The following CCDC7 variants were observed in gnomAD, a reference collection of about 807,000 sequenced individuals.
The protein encoded by CCDC7 is coiled-coil domain containing 7.
In CCDC7, 183 loss-of-function variants were observed where a neutral mutation model predicts 196.9. The observed-to-expected ratio is 0.93, with a 90% CI of 0.82 to 1.05. CCDC7 has a LOEUF of 1.05. Among genes scored for constraint, CCDC7 ranks in the 50% least tolerant of loss-of-function variants. The pLI is 0.00. For synonymous variants in CCDC7, 525 were observed against 484.6 expected (o/e 1.08, Z -1.10); for missense variants, 1,540 against 1,482.2 (o/e 1.04, Z -0.64).
chr10:32,484,676 T>C (rs1389948850), intron 8 of CCDC7, among the ~76,000 whole-genome samples: 1 of 152,176 alleles, frequency 6.6e-6, no homozygotes, highest in African/African-American at 2.4e-5. Flanking sequence ...GTCCCATCAA[T>C]TACCTAGTTT....
chr10:32,614,110 T>C (rs2062494726), intron 18 of CCDC7, among the ~76,000 whole-genome samples: 1 of 152,188 alleles, frequency 6.6e-6, no homozygotes, highest in South Asian at 2.1e-4. Flanking sequence ...TGAATATATA[T>C]TTAGGATAGT....
intron 31 of CCDC7, among the ~76,000 whole-genome samples, chr10:32,820,287 A>G (rs1175220332): frequency 6.6e-6 from 1 of 152,230 alleles, no homozygotes; most frequent in East Asian, 1.9e-4. Context: ...GGAGCACTAC[A>G]AACTACTGCT....
At chr10:32,599,085 G>T (rs371923899) in intron 18 of CCDC7, among the ~76,000 whole-genome samples, 2 of 152,132 alleles carry the variant, frequency 1.3e-5, no homozygotes, top group East Asian at 3.8e-4. Context: ...GATATTTTGG[G>T]ACTCTGCTGT....
At chr10:32,761,976 G>A (rs1303384854) in intron 28 of CCDC7, among the ~76,000 whole-genome samples, 1 of 151,902 alleles carries the variant, frequency 6.6e-6, no homozygotes, top group Non-Finnish European at 1.5e-5. Context: ...AATTCTCTCT[G>A]AGAGCCAGAA....
intron 24 of CCDC7, among the ~76,000 whole-genome samples, chr10:32,711,124 G>GTGTGTA (rs2080753418): frequency 7.0e-6 from 1 of 143,868 alleles, no homozygotes. Context: ...TGGTGTGTGT[G>GTGTGTA]TGTATATATA....
chr10:32,813,978 C>T (rs557097336), intron 30 of CCDC7, among the ~76,000 whole-genome samples: 27 of 151,330 alleles, frequency 1.8e-4, no homozygotes, highest in Admixed American at 9.2e-4. Flanking sequence ...TTCTTTTTTG[C>T]GACAGAGTCT....
intron 18 of CCDC7, 45 bp from the exon 20 acceptor site, chr10:32,634,209 G>C: frequency 1.2e-6 from 1 of 847,820 alleles, no homozygotes; most frequent in Non-Finnish European, 1.6e-6. Flanking sequence ...TTTCACAATA[G>C]AGCTCTTTCT....
rs1397898678 is a variant in CCDC7, at chr10:32,865,701, A to G, written c.4112-10646A>G. ...AAACTCACCTGTTATAATAACTAAG[A>G]TTCATTCCTCCATGTAAATTCAACT... On this transcript the variant is annotated intron_variant, in intron 41 of 41. Coordinates refer to ENST00000639629, the Ensembl canonical transcript of CCDC7. Among the ~76,000 whole-genome samples, 7 of 151,794 alleles carry G rather than the reference A, an allele frequency of 4.6e-5. No homozygotes were observed. In the East Asian group the frequency reaches 1.4e-3, roughly 29 times the overall value.
At chr10:32,737,645 A>G (rs1157097440) in intron 28 of CCDC7, among the ~76,000 whole-genome samples, 1 of 152,126 alleles carries the variant, frequency 6.6e-6, no homozygotes, top group African/African-American at 2.4e-5. Flanking sequence ...AATATAATGA[A>G]TTTGTCTGTT....
chr10:32,681,854 T>C (rs2075905689), intron 21 of CCDC7, among the ~76,000 whole-genome samples: 1 of 151,982 alleles, frequency 6.6e-6, no homozygotes, highest in African/African-American at 2.4e-5. Flanking sequence ...TAAAGTCATA[T>C]TTAGAATTCA....
chr10:32,559,039 G>A (rs539425277), intron 13 of CCDC7, among the ~76,000 whole-genome samples: 17 of 152,232 alleles, frequency 1.1e-4, no homozygotes, highest in Non-Finnish European at 2.1e-4. Flanking sequence ...TTGGAGGGTC[G>A]TACGCCCACG....
chr10:32,859,212 A>T, intron 41 of CCDC7, among the ~76,000 whole-genome samples: 1 of 152,146 alleles, frequency 6.6e-6, no homozygotes, highest in Non-Finnish European at 1.5e-5. Flanking sequence ...AATCATAACA[A>T]ATAGTCTCTC....
At chr10:32,505,385 A>C (rs11008954) in intron 9 of CCDC7, among the ~76,000 whole-genome samples, 52,184 of 151,710 alleles carry the variant, frequency 0.34, 11,411 homozygotes, top group Non-Finnish European at 0.5. Context: ...GATGACTCTT[A>C]ACGAGCATGC....
intron 20 of CCDC7, among the ~76,000 whole-genome samples, chr10:32,659,139 G>C (rs1422230361): frequency 6.6e-6 from 1 of 151,916 alleles, no homozygotes; most frequent in Non-Finnish European, 1.5e-5. Flanking sequence ...TTGGATTTGA[G>C]GTCTTTCTTT....
At chr10:32,779,609 A>G (rs2080715368) in intron 29 of CCDC7, among the ~76,000 whole-genome samples, 2 of 152,196 alleles carry the variant, frequency 1.3e-5, no homozygotes, top group African/African-American at 4.8e-5. Flanking sequence ...ATTTTCTAAT[A>G]AGATAAAACC....
chr10:32,845,689 A>C, intron 35 of CCDC7, 63 bp downstream of exon 36: 2 of 1,448,806 alleles, frequency 1.4e-6, no homozygotes, highest in Admixed American at 1.7e-5. Context: ...AGTTAAATTA[A>C]GTGTGGACAT....
At chr10:32,635,846 A>G (rs1454803035) in intron 20 of CCDC7, among the ~76,000 whole-genome samples, 1 of 151,622 alleles carries the variant, frequency 6.6e-6, no homozygotes, top group Non-Finnish European at 1.5e-5. Context: ...TTTGTCTTTT[A>G]ATTAGCTCTC....
chr10:32,780,740 C>CA (rs2080921160), intron 29 of CCDC7, among the ~76,000 whole-genome samples: 1 of 152,000 alleles, frequency 6.6e-6, no homozygotes, highest in African/African-American at 2.4e-5. Context: ...GTATAACATA[C>CA]AAAAAACAGG....
intron 21 of CCDC7, among the ~76,000 whole-genome samples, chr10:32,665,166 T>C (rs1332169823): frequency 6.6e-6 from 1 of 152,084 alleles, no homozygotes; most frequent in Non-Finnish European, 1.5e-5. Flanking sequence ...GTTGATTGTT[T>C]TCTAACTATT....
Sources: gnomAD v4.1 joint callset for allele counts (sites outside exome capture counted in the v4.1 genomes callset) on GRCh38, gnomAD v4.1.1 for gene constraint, MANE v1.5 for transcripts, NCBI Gene and HGNC (gene_info 2026-07-23, HGNC 2026-07-21) for gene names.